Variants in SHISA9 observed in about 807,000 individuals in gnomAD.
The protein encoded by SHISA9 is protein shisa-9.
Under a neutral mutation model 38.0 loss-of-function variants are expected in SHISA9, and 13 were observed. The observed-to-expected ratio is 0.34, with a 90% CI of 0.22 to 0.54. The LOEUF (loss-of-function observed/expected upper bound fraction) is 0.54, where lower values mean the gene tolerates loss of function less well. Among genes scored for constraint, SHISA9 ranks in the 20% least tolerant of loss-of-function variants. SHISA9 has a pLI of 0.91. For synonymous variants in SHISA9, 275 were observed against 242.0 expected (o/e 1.14, Z -1.27); for missense variants, 538 against 575.8 (o/e 0.93, Z 0.67).
At chr16:13,452,865 A>G in the SHISA9 span, among the ~76,000 whole-genome samples, 1 of 151,212 alleles carries the variant, frequency 6.6e-6, no homozygotes, top group Non-Finnish European at 1.5e-5. Flanking sequence ...ATATACTCTC[A>G]TCTTCTAAAG....
At chr16:12,970,442 C>CATATATGTATATATAT (rs1567357227) in intron 2 of SHISA9, among the ~76,000 whole-genome samples, 2 of 41,100 alleles carry the variant, frequency 4.9e-5, no homozygotes, top group African/African-American at 1.1e-4. Context: ...TATATATACA[C>CATATATGTATATATAT]ACATATATAT....
chr16:13,458,163 C>A, the SHISA9 span, among the ~76,000 whole-genome samples: 1 of 152,134 alleles, frequency 6.6e-6, no homozygotes, highest in South Asian at 2.1e-4. Context: ...ATTCCAAGTG[C>A]GATGTACCAG....
At chr16:13,289,357 G>A in the SHISA9 span, among the ~76,000 whole-genome samples, 1 of 146,864 alleles carries the variant, frequency 6.8e-6, no homozygotes, top group Non-Finnish European at 1.5e-5. Flanking sequence ...ACTCAGTTTT[G>A]GTTGGTGGGG....
chr16:13,262,283 C>T, the SHISA9 span, among the ~76,000 whole-genome samples: 4 of 152,186 alleles, frequency 2.6e-5, no homozygotes, highest in East Asian at 3.9e-4. Context: ...CAGCTGAGCA[C>T]CTGTGCAGTG....
At chr16:13,221,227 C>G (rs1358098952) in intron 4 of SHISA9, among the ~76,000 whole-genome samples, 1 of 152,166 alleles carries the variant, frequency 6.6e-6, no homozygotes, top group Non-Finnish European at 1.5e-5. Flanking sequence ...GCAGCCTCCG[C>G]TACTTGTGTC....
the SHISA9 span, among the ~76,000 whole-genome samples, chr16:13,554,676 G>A: frequency 3.3e-5 from 5 of 152,226 alleles, no homozygotes; most frequent in African/African-American, 9.6e-5. Context: ...ATTTTTAGCA[G>A]AGACGTGGTT....
chr16:13,543,724 C>A, the SHISA9 span, among the ~76,000 whole-genome samples: 1 of 152,090 alleles, frequency 6.6e-6, no homozygotes, highest in South Asian at 2.1e-4. Flanking sequence ...CTACTGCACA[C>A]AACTCCTTGC....
chr16:13,272,029 C>CAGT, the SHISA9 span, among the ~76,000 whole-genome samples: 1 of 149,456 alleles, frequency 6.7e-6, no homozygotes, highest in Non-Finnish European at 1.5e-5. Flanking sequence ...CAGTGAGCTG[C>CAGT]GATTGTGCCA....
intron 2 of SHISA9, among the ~76,000 whole-genome samples, chr16:13,043,821 C>G (rs1273382371): frequency 1.3e-5 from 2 of 152,222 alleles, no homozygotes; most frequent in Admixed American, 6.5e-5. Flanking sequence ...ATTCCTCTCT[C>G]CTGGATATCC....
At chr16:13,549,868 A>G in the SHISA9 span, among the ~76,000 whole-genome samples, 1 of 151,982 alleles carries the variant, frequency 6.6e-6, no homozygotes, top group Non-Finnish European at 1.5e-5. Context: ...ACAAAAATGC[A>G]AAAAATTAGC....
the SHISA9 span, among the ~76,000 whole-genome samples, chr16:13,450,127 C>CA: frequency 6.6e-6 from 1 of 152,086 alleles, no homozygotes; most frequent in Non-Finnish European, 1.5e-5. Flanking sequence ...AAAAAAAATA[C>CA]ACACAAAGCT....
the SHISA9 span, among the ~76,000 whole-genome samples, chr16:13,466,499 A>G: frequency 1.3e-5 from 2 of 152,194 alleles, no homozygotes; most frequent in African/African-American, 4.8e-5. Flanking sequence ...CATCCCACCA[A>G]GTAACAAGCC....
At chr16:12,997,547 C>G (rs1041827779) in intron 2 of SHISA9, among the ~76,000 whole-genome samples, 1 of 151,730 alleles carries the variant, frequency 6.6e-6, no homozygotes, top group Non-Finnish European at 1.5e-5. Context: ...GCTGAGATTA[C>G]AGGGACCCAC....
At chr16:13,173,034 C>T (rs929522448) in intron 2 of SHISA9, among the ~76,000 whole-genome samples, 23 of 151,912 alleles carry the variant, frequency 1.5e-4, no homozygotes, top group African/African-American at 2.4e-5. Context: ...TTAATGACCC[C>T]GATAATGTCC....
chr16:13,464,874 C>A, the SHISA9 span, among the ~76,000 whole-genome samples: 13 of 148,672 alleles, frequency 8.7e-5, no homozygotes, highest in African/African-American at 3.2e-4. Context: ...ATGAGTAATT[C>A]ATTAAATCCT....
the SHISA9 span, among the ~76,000 whole-genome samples, chr16:13,321,789 A>G: frequency 1.4e-3 from 208 of 152,370 alleles, no homozygotes; most frequent in Non-Finnish European, 2.3e-3. Context: ...GACAATCATA[A>G]TAATAAAATA....
intron 1 of SHISA9, chr16:12,911,478 G>GTATGTCCTTA (rs1337671345): frequency 3.7e-5 from 27 of 734,334 alleles, no homozygotes; most frequent in South Asian, 1.2e-4. Context: ...ACATTATGAA[G>GTATGTCCTTA]CATACGTAAG....
chr16:13,094,881 G>T (rs1427578401), intron 2 of SHISA9, among the ~76,000 whole-genome samples: 8 of 152,152 alleles, frequency 5.3e-5, no homozygotes, highest in Admixed American at 2.0e-4. Flanking sequence ...TTCAAATAGA[G>T]ACAGTAATTT....
chr16:13,404,510 G>A, the SHISA9 span, among the ~76,000 whole-genome samples: 1 of 152,262 alleles, frequency 6.6e-6, no homozygotes, highest in Non-Finnish European at 1.5e-5. Flanking sequence ...ACATGCAAAG[G>A]CCCTGTGGTA....
Sources: allele counts gnomAD v4.1 joint callset (sites outside exome capture counted in the v4.1 genomes callset), GRCh38; gene constraint gnomAD v4.1.1; transcripts MANE v1.5; gene names NCBI Gene and HGNC (gene_info 2026-07-23, HGNC 2026-07-21).